The following IQCM variants were observed in gnomAD, a reference collection of about 807,000 sequenced individuals.
The protein encoded by IQCM is IQ domain-containing protein M.
IQCM carries 45 observed loss-of-function variants against 57.6 expected under a neutral mutation model. The ratio of observed to expected loss-of-function variants is 0.78; its 90% CI spans 0.62 to 1.00. The LOEUF is 1.00. IQCM is among the 50% of genes least tolerant of loss of function. The pLI, the probability that IQCM is intolerant of heterozygous loss-of-function variation, is 0.00. For synonymous variants in IQCM, 148 were observed against 158.9 expected, an observed-to-expected ratio of 0.93 and a Z score of 0.51; for missense variants, 468 against 511.6, an observed-to-expected ratio of 0.91 and a Z score of 0.82.
intron 2 of IQCM, among the ~76,000 whole-genome samples, chr4:149,784,245 C>A (rs534618538): frequency 6.6e-6 from 1 of 152,262 alleles, no homozygotes; most frequent in Non-Finnish European, 1.5e-5. Context: ...ATATTTCTCA[C>A]TTTGCTCTAG....
chr4:149,423,775 G>C lies in IQCM; in HGVS notation c.1390+9621C>G, dbSNP rs187312940. Among the ~76,000 whole-genome samples, 428 of 151,856 alleles carry C rather than the reference G, an allele frequency of 2.8e-3. 7 individuals carry two copies. The highest frequency in any genetic ancestry group is 9.8e-3 in the African/African-American group (406 of 41,460). On this transcript the variant is annotated intron_variant, in intron 13 of 13. Coordinates refer to ENST00000636793, the MANE Select transcript of IQCM (RefSeq NM_001363507.2). ...TGAATCCTCCTCATGTCTATCATAG[G>C]GTATTGAATACAGACACTTAATAAA...
At chr4:149,725,424 C>A (rs780737132) in intron 5 of IQCM, among the ~76,000 whole-genome samples, 26 of 152,110 alleles carry the variant, frequency 1.7e-4, no homozygotes, top group Admixed American at 1.6e-3. Flanking sequence ...TAATACATGC[C>A]TTTTGAGATA....
chr4:149,621,502 A>G (rs1756332787), intron 7 of IQCM, among the ~76,000 whole-genome samples: 1 of 152,198 alleles, frequency 6.6e-6, no homozygotes, highest in Non-Finnish European at 1.5e-5. Flanking sequence ...TCAGAAAACT[A>G]TAGGTTCATT....
chr4:149,639,273 AAAATT>A (rs1258275157), intron 7 of IQCM, among the ~76,000 whole-genome samples: 1 of 152,014 alleles, frequency 6.6e-6, no homozygotes, highest in East Asian at 1.9e-4. Context: ...AAAAAATTTA[AAAATT>A]AGCTGCACAT....
intron 8 of IQCM, among the ~76,000 whole-genome samples, chr4:149,593,915 T>G (rs1266401696): frequency 6.6e-6 from 1 of 151,976 alleles, no homozygotes; most frequent in Non-Finnish European, 1.5e-5. Context: ...GGTCTAAAAT[T>G]CTCTTTTTTT....
chr4:149,629,999 G>T (rs975976788), intron 7 of IQCM, among the ~76,000 whole-genome samples: 32 of 151,766 alleles, frequency 2.1e-4, no homozygotes, highest in African/African-American at 6.1e-4. Context: ...GGTGGGCAGG[G>T]TGTGAACCAC....
At chr4:149,770,277 C>T (rs892417213) in intron 2 of IQCM, among the ~76,000 whole-genome samples, 2 of 151,948 alleles carry the variant, frequency 1.3e-5, no homozygotes, top group African/African-American at 4.8e-5. Context: ...AACAGATAAC[C>T]TGCTTATTTT....
In IQCM at chr4:149,569,811, T is replaced by C. The variant is rs59357295; in HGVS notation, c.750-5921A>G. On this transcript the variant is annotated intron_variant, in intron 9 of 13. Transcript: ENST00000636793. ...TCCTCCAGAAACAGAAAACTTCATA[T>C]GGTAATCTGCTTAAACCAAGATCAG... Among the ~76,000 whole-genome samples the C allele has an allele frequency of 4.6e-3, 702 of 152,194 alleles. 5 individuals are homozygous for C. The highest frequency in any genetic ancestry group is 0.016 in the African/African-American group (647 of 41,546).
intron 8 of IQCM, among the ~76,000 whole-genome samples, chr4:149,611,855 A>C (rs1417612617): frequency 1.3e-5 from 2 of 151,726 alleles, no homozygotes; most frequent in Non-Finnish European, 2.9e-5. Flanking sequence ...TGTTCCTAAC[A>C]TAAAGAAATA....
chr4:149,582,869 G>C (rs1047035028), intron 9 of IQCM, among the ~76,000 whole-genome samples: 29 of 151,276 alleles, frequency 1.9e-4, no homozygotes, highest in African/African-American at 6.1e-4. Context: ...TTTTAGGTGA[G>C]AAATTTTAAG....
At chr4:149,501,445 G>C (rs72955456) in intron 12 of IQCM, among the ~76,000 whole-genome samples, 284 of 152,162 alleles carry the variant, frequency 1.9e-3, no homozygotes, top group African/African-American at 6.4e-3. Flanking sequence ...GTTAGAAATT[G>C]CAGAAGAAAC....
intron 2 of IQCM, among the ~76,000 whole-genome samples, chr4:149,777,196 G>T (rs566674874): frequency 4.6e-5 from 7 of 152,110 alleles, no homozygotes; most frequent in Non-Finnish European, 8.8e-5. Context: ...CTGAAATTCT[G>T]CACCTCATCT....
At position 149,388,766 on chromosome 4, in the gene IQCM, T is replaced by C. The variant is rs1731630235; in HGVS notation, c.1391-36700A>G. Among the ~76,000 whole-genome samples the C allele has an allele frequency of 2.1e-5, 3 of 145,256 alleles. No homozygotes were observed. The South Asian group carries it at 6.4e-4, about 31-fold the overall frequency. On this transcript the variant is annotated intron_variant, in intron 13 of 13. Transcript: ENST00000636793. The stretch of plus-strand genomic sequence containing the variant: ...TGACATATATAATATATATATGACA[T>C]ATATATATACACACACACACACACA...
At chr4:149,682,229 T>G in intron 6 of IQCM, 23 bp from the exon 7 acceptor site, 1 of 1,051,622 alleles carries the variant, frequency 9.5e-7, no homozygotes, top group Non-Finnish European at 1.2e-6. Context: ...GTTGGATCTT[T>G]AAGTAATTTG....
At chr4:149,418,671 G>C (rs1424216680) in intron 13 of IQCM, among the ~76,000 whole-genome samples, 1 of 151,850 alleles carries the variant, frequency 6.6e-6, no homozygotes, top group Non-Finnish European at 1.5e-5. Context: ...TCTGATGAAG[G>C]ATATTCAAAT....
intron 7 of IQCM, among the ~76,000 whole-genome samples, 200 bp from the exon 8 acceptor site, chr4:149,621,444 C>T (rs1756326124): frequency 6.6e-6 from 1 of 152,178 alleles, no homozygotes; most frequent in Non-Finnish European, 1.5e-5. Flanking sequence ...AATTAATTGG[C>T]TCCTTCATAT....
chr4:149,565,797 G>GA (rs1185215989), intron 9 of IQCM, among the ~76,000 whole-genome samples: 5 of 151,650 alleles, frequency 3.3e-5, no homozygotes, highest in African/African-American at 4.8e-5. Flanking sequence ...GTGTGTAAAT[G>GA]AAAAAAAAGT....
intron 13 of IQCM, among the ~76,000 whole-genome samples, chr4:149,408,347 A>G (rs2111162710): frequency 6.6e-6 from 1 of 152,312 alleles, no homozygotes; most frequent in African/African-American, 2.4e-5. Flanking sequence ...CGAAGCATAA[A>G]TATTGATAAG....
chr4:149,514,997 C>T lies in IQCM; in HGVS notation c.1228+33458G>A, dbSNP rs181228837. On this transcript the variant is annotated intron_variant, in intron 12 of 13. Transcript: ENST00000636793. ...TCAGACTGGCTTCCTTGCTCCTCAGCTTGTAGATGGCCTATTGTGGGACCT... is the reference window on the plus strand; with the variant it reads ...TCAGACTGGCTTCCTTGCTCCTCAGTTTGTAGATGGCCTATTGTGGGACCT... 2.0e-5 allele frequency among the ~76,000 whole-genome samples: 3 copies of T among 151,794 alleles called. No homozygotes were observed. In the East Asian group the frequency reaches 5.8e-4, roughly 29 times the overall value.
Sources: gnomAD v4.1 joint callset for allele counts (sites outside exome capture counted in the v4.1 genomes callset) on GRCh38, gnomAD v4.1.1 for gene constraint, MANE v1.5 for transcripts, NCBI Gene and HGNC (gene_info 2026-07-23, HGNC 2026-07-21) for gene names.